NEBL: variants seen among roughly 807,000 people sequenced by gnomAD.
NEBL encodes the protein nebulette.
Under a neutral mutation model 140.2 loss-of-function variants are expected in NEBL, and 122 were observed. That is an observed-to-expected ratio of 0.87 (90% CI 0.75 to 1.01). The LOEUF is 1.01. Ranked by LOEUF, NEBL falls within the 50% of genes least tolerant of loss-of-function variation. The pLI is 0.00. For missense variants in NEBL, 1,365 were observed against 1,231.3 expected, an observed-to-expected ratio of 1.11 and a Z score of -1.62; for synonymous variants, 436 against 398.9, an observed-to-expected ratio of 1.09 and a Z score of -1.11.
intron 2 of NEBL, among the ~76,000 whole-genome samples, chr10:21,153,605 T>C (rs1840225454): frequency 6.6e-6 from 1 of 152,164 alleles, no homozygotes. Context: ...CTCAGCTCAC[T>C]GCAACCTCCA....
At chr10:21,064,650 A>G (rs1052403376) in intron 2 of NEBL, among the ~76,000 whole-genome samples, 2 of 152,232 alleles carry the variant, frequency 1.3e-5, no homozygotes, top group Admixed American at 1.3e-4. Flanking sequence ...CAGGAGATGC[A>G]TTTCTAATTA....
chr10:20,996,870 G>A (rs1370033977), intron 3 of NEBL, among the ~76,000 whole-genome samples: 3 of 151,998 alleles, frequency 2.0e-5, no homozygotes, highest in African/African-American at 7.3e-5. Context: ...TTTTTCTCTG[G>A]TCTTTTTCTC....
intron 1 of NEBL, among the ~76,000 whole-genome samples, chr10:21,284,210 C>CAAAA (rs35693200): frequency 2.7e-4 from 10 of 37,146 alleles, no homozygotes; most frequent in East Asian, 1.0e-3. Flanking sequence ...ACTCCGTCTC[C>CAAAA]AAAAAAAAAA....
At chr10:20,943,919 T>G (rs570715528) in intron 4 of NEBL, among the ~76,000 whole-genome samples, 42 of 152,312 alleles carry the variant, frequency 2.8e-4, no homozygotes, top group African/African-American at 1.0e-3. Flanking sequence ...TCTTGGGTCG[T>G]CTGTATCCAC....
intron 7 of NEBL, among the ~76,000 whole-genome samples, chr10:20,860,524 TGTCATAACTAATTAGA>T (rs1843574226): frequency 8.6e-6 from 1 of 116,714 alleles, no homozygotes; most frequent in Non-Finnish European, 1.7e-5. Context: ...TGAGAATGCA[TGTCATAACTAATTAGA>T]ATATAAACAC....
chr10:20,945,132 G>T (rs765070397), intron 4 of NEBL, among the ~76,000 whole-genome samples: 1 of 152,116 alleles, frequency 6.6e-6, no homozygotes, highest in Non-Finnish European at 1.5e-5. Context: ...ATTCCTGTAC[G>T]TGCAGTTTCC....
chr10:21,140,090 G>A (rs1839555990), intron 2 of NEBL, among the ~76,000 whole-genome samples: 1 of 152,066 alleles, frequency 6.6e-6, no homozygotes. Flanking sequence ...GAACCTGGGA[G>A]GTGGAGGCTG....
intron 3 of NEBL, among the ~76,000 whole-genome samples, chr10:21,016,842 G>C (rs1838575338): frequency 6.6e-6 from 1 of 152,110 alleles, no homozygotes; most frequent in Non-Finnish European, 1.5e-5. Context: ...ATTACCATTA[G>C]GATAGATACC....
intron 2 of NEBL, among the ~76,000 whole-genome samples, chr10:21,050,826 A>C (rs1364830135): frequency 1.3e-5 from 2 of 152,178 alleles, no homozygotes; most frequent in East Asian, 3.8e-4. Context: ...AAAAGTCATG[A>C]AGCCATTTGG....
At chr10:20,979,976 A>C (rs924409338) in intron 3 of NEBL, among the ~76,000 whole-genome samples, 1 of 152,108 alleles carries the variant, frequency 6.6e-6, no homozygotes, top group Admixed American at 6.6e-5. Context: ...TACAGAAGTT[A>C]ACCACCACAA....
chr10:20,840,946 A>T (rs980949767), intron 12 of NEBL, 97 bp from the exon 13 acceptor site: 1 of 757,824 alleles, frequency 1.3e-6, no homozygotes, highest in African/African-American at 1.7e-5. Flanking sequence ...AAATGAGAAA[A>T]TATTACTAGG....
rs564906171 is a variant in NEBL at position 21,291,530 on chromosome 10, A to C, written n.182+1300T>G. Among the ~76,000 whole-genome samples, 22 of 151,410 alleles carry C rather than the reference A, an allele frequency of 1.5e-4. No homozygotes were observed. In the East Asian group the frequency reaches 3.7e-3, roughly 26 times the overall value. On this transcript the variant is annotated intron_variant and non_coding_transcript_variant, in intron 1 of 8. Transcript: ENST00000675702. ...AAAAAAAAAAAAAAAGAAGAAGAAG[A>C]AGCCTACAAGAGTCAGAAGTCACGT...
At chr10:21,275,937 T>C (rs1842917814) in intron 1 of NEBL, among the ~76,000 whole-genome samples, 1 of 149,768 alleles carries the variant, frequency 6.7e-6, no homozygotes, top group Non-Finnish European at 1.5e-5. Flanking sequence ...GGATTGGGAT[T>C]ACAGGAGTGA....
intron 2 of NEBL, among the ~76,000 whole-genome samples, chr10:21,040,547 G>T (rs1168217929): frequency 6.6e-6 from 1 of 152,152 alleles, no homozygotes; most frequent in Non-Finnish European, 1.5e-5. Flanking sequence ...CAGCTCTCAT[G>T]TGAACTAACA....
intron 4 of NEBL, among the ~76,000 whole-genome samples, chr10:20,935,734 T>A (rs566917120): frequency 1.3e-5 from 2 of 152,214 alleles, no homozygotes; most frequent in Non-Finnish European, 2.9e-5. Flanking sequence ...ATGCAAAGAA[T>A]CATTAGGAAA....
rs942615168 is a variant in NEBL at position 21,233,874 on chromosome 10, T to C, written n.348+14047A>G. On this transcript the variant is annotated intron_variant and non_coding_transcript_variant, in intron 3 of 8. Transcript: ENST00000675702. ...CATATATAGATATATATTACATATA[T>C]ATGCATATATAGATATATATTACAT... Among the ~76,000 whole-genome samples, 58 of 137,474 alleles carry C rather than the reference T, an allele frequency of 4.2e-4. 1 individual carries two copies. The highest frequency in any genetic ancestry group is 7.4e-4 in the South Asian group (3 of 4,080). The allele number at this position is 137,474 out of a possible 152,430, so 90.2% of individuals were successfully genotyped here. A position where few individuals can be genotyped will look rare whatever the true frequency, so the allele number is the denominator to read the frequency against.
At chr10:21,032,415 T>G (rs1564487026) in intron 2 of NEBL, among the ~76,000 whole-genome samples, 1 of 152,210 alleles carries the variant, frequency 6.6e-6, no homozygotes, top group African/African-American at 2.4e-5. Flanking sequence ...AAGATGCTTT[T>G]TGAGCCTATC....
At chr10:21,148,004 G>C (rs1178188589) in intron 2 of NEBL, among the ~76,000 whole-genome samples, 1 of 152,188 alleles carries the variant, frequency 6.6e-6, no homozygotes, top group Admixed American at 6.5e-5. Flanking sequence ...ATCTTATGGA[G>C]TTCACAGGAT....
chr10:20,808,472 T>C (rs775301978), intron 26 of NEBL, 38 bp downstream of exon 26: 1 of 1,607,442 alleles, frequency 6.2e-7, no homozygotes, highest in East Asian at 2.2e-5. Flanking sequence ...ACTTAAAAAA[T>C]GAATCGATTT....
Sources: gnomAD v4.1 joint callset for allele counts (sites outside exome capture counted in the v4.1 genomes callset) on GRCh38, gnomAD v4.1.1 for gene constraint, MANE v1.5 for transcripts, NCBI Gene and HGNC (gene_info 2026-07-23, HGNC 2026-07-21) for gene names.